NSD1: variants seen among roughly 807,000 people sequenced by gnomAD.
NSD1 encodes the protein histone-lysine N-methyltransferase, H3 lysine-36 specific.
NSD1 carries 26 observed loss-of-function variants against 242.7 expected under a neutral mutation model. The observed-to-expected ratio is 0.11, with a 90% confidence interval of 0.08 to 0.15. The LOEUF (loss-of-function observed/expected upper bound fraction) is 0.15. Among genes scored for constraint, NSD1 ranks in the 10% least tolerant of loss-of-function variants. The pLI is 1.00. For missense variants in NSD1, 2,495 were observed against 3,272.8 expected (o/e 0.76, Z 5.80); for synonymous variants, 1,106 against 1,178.1 (o/e 0.94, Z 1.25).
chr5:177,266,257 C>T, intron 14 of NSD1: 1 of 771,794 alleles, frequency 1.3e-6, no homozygotes, highest in Non-Finnish European at 2.4e-6. Context: ...TCTCCTCCAC[C>T]TTCCCCTTGG....
chr5:177,220,276 T>A (rs1046074386), intron 5 of NSD1, among the ~76,000 whole-genome samples: 1 of 152,192 alleles, frequency 6.6e-6, no homozygotes, highest in Admixed American at 6.6e-5. Context: ...GACTGTTTTA[T>A]TATCATATCA....
chr5:177,147,329 ACTCGTGAG>A (rs2149771900), intron 2 of NSD1, among the ~76,000 whole-genome samples: 1 of 152,166 alleles, frequency 6.6e-6, no homozygotes, highest in African/African-American at 2.4e-5. Context: ...CTCGTCTTGA[ACTCGTGAG>A]CTCAAGCAAT....
rs1319472971 is a variant in NSD1 at position 177,294,390 on chromosome 5, C to G, written c.7022C>G (p.Ser2341Cys). The part of the protein sequence containing the change: ...DKPSPVTSPS[S>C]SPSVRSQPLE... Reference sequence around the variant, plus strand: ...CCCTCTCCAGTGACCAGCCCAAGCTCCTCACCCTCAGTCAGGTCCCAACCA... The same window carrying G: ...CCCTCTCCAGTGACCAGCCCAAGCTGCTCACCCTCAGTCAGGTCCCAACCA... Residue 2341 changes from serine (S) to cysteine (C), a missense_variant, in exon 23 of 23, where the codon TCC (serine) becomes TGC (cysteine). Ser to Cys is a moderately radical substitution (Grantham distance 112, BLOSUM62 -1). Transcript: ENST00000439151. 2.5e-6 allele frequency: 4 copies of G among 1,614,220 alleles called. No individual in the cohort carries two copies. The highest frequency in any genetic ancestry group is 3.4e-6 in the Non-Finnish European group (4 of 1,180,038).
chr5:177,134,324 C>A lies in NSD1; in HGVS notation c.-18+372C>A. On this transcript the variant is annotated intron_variant, in intron 1 of 22. Coordinates refer to ENST00000439151, the MANE Select transcript of NSD1 (RefSeq NM_022455.5). This position sits in a 1 kb window ranked among gnomAD's most constrained non-coding sequence, Gnocchi z 4.2. ...GCTGCTGAATATTGATGAGAGCGAT[C>A]GGCTCGGCTGGGAGGTGCTGCCGCG... The A allele has an allele frequency of 6.6e-6, 1 of 152,334 alleles. No homozygotes were observed. Among genetic ancestry groups the A allele is most frequent in the South Asian group, 1.9e-4 (1 of 5,170 alleles). 9.4% of individuals were successfully genotyped at this position (152,334 alleles called of 1,614,324 possible).
Position 177,266,640 on chromosome 5 carries a change from A to G in NSD1, c.5147-922A>G, listed in dbSNP as rs545984921. ...GCCGCCAAGACCCCCGCCTTTTTCT[A>G]TAGTAGGATTTTAAGAGGTGAAAGA... On this transcript the variant is annotated intron_variant, in intron 14 of 22. Transcript: ENST00000439151. 2.9e-4 allele frequency: 139 copies of G among 471,906 alleles called. 1 individual carries two copies. The East Asian group carries it at 5.2e-3, about 18-fold the overall frequency. The allele number at this position is 471,906 out of a possible 1,614,324, so 29.2% of individuals were successfully genotyped here. A position where few individuals can be genotyped will look rare whatever the true frequency, so the allele number is the denominator to read the frequency against.
rs1462539420 is a variant in NSD1 at position 177,296,169 on chromosome 5, G to C, written c.*710G>C. 4.2e-6 allele frequency: 1 copy of C among 239,022 alleles called. No individual in the cohort carries two copies. The highest frequency in any genetic ancestry group is 8.2e-6 in the Non-Finnish European group (1 of 121,520). 14.8% of individuals were successfully genotyped at this position (239,022 alleles called of 1,614,324 possible). A position where few individuals can be genotyped will look rare whatever the true frequency, so the allele number is the denominator to read the frequency against. Reference sequence around the variant, plus strand: ...CAGAGGTCTCCTCTATAGATGCAAGGGTGCTGCATTGAGGCCAGCAAGGCT... The same window carrying C: ...CAGAGGTCTCCTCTATAGATGCAAGCGTGCTGCATTGAGGCCAGCAAGGCT... On this transcript the variant is annotated 3_prime_UTR_variant, in exon 23 of 23. Coordinates refer to ENST00000439151, the MANE Select transcript of NSD1 (RefSeq NM_022455.5).
Position 177,294,838 on chromosome 5 carries a change from A to G in NSD1, c.7470A>G (p.Ser2490=), listed in dbSNP as rs1013694464. 2 of 1,612,658 alleles carry G rather than the reference A, an allele frequency of 1.2e-6. No individual in the cohort carries two copies. The highest frequency in any genetic ancestry group is 1.3e-5 in the African/African-American group (1 of 75,060). Residue 2490 remains serine (S), a synonymous_variant, in exon 23 of 23, where the codon TCA becomes TCG. Coordinates refer to ENST00000439151, the MANE Select transcript of NSD1 (RefSeq NM_022455.5). ...AGATGCCAGTGTTGGAGTCAAGTTC[A>G]TGGCCTGCCAGCAAAGGTCTGGGGC... ...DEKMPVLESS[S]WPASKGLGHM...
intron 14 of NSD1, among the ~76,000 whole-genome samples, chr5:177,260,451 G>A (rs931312768): frequency 2.1e-5 from 3 of 145,468 alleles, no homozygotes; most frequent in Non-Finnish European, 3.0e-5. Context: ...GGTTCAAGCA[G>A]TTCTCCTGCC....
chr5:177,225,186 C>T (rs1764540111), intron 5 of NSD1, among the ~76,000 whole-genome samples: 1 of 152,142 alleles, frequency 6.6e-6, no homozygotes, highest in South Asian at 2.1e-4. Flanking sequence ...TCGCCCTCAT[C>T]GCCCAGGCTT....
intron 13 of NSD1, among the ~76,000 whole-genome samples, chr5:177,257,743 A>G (rs932061713): frequency 4.6e-5 from 7 of 152,072 alleles, no homozygotes; most frequent in African/African-American, 7.2e-5. Flanking sequence ...ATGTAGTTTG[A>G]GAAAGTGTTC....
intron 2 of NSD1, among the ~76,000 whole-genome samples, chr5:177,138,348 T>C (rs1207334200): frequency 6.6e-6 from 1 of 151,998 alleles, no homozygotes; most frequent in African/African-American, 2.4e-5. Flanking sequence ...CACCTCCTCC[T>C]GGGTTCAAGC....
intron 2 of NSD1, among the ~76,000 whole-genome samples, chr5:177,165,432 A>G (rs1302948118): frequency 6.6e-6 from 1 of 152,112 alleles, no homozygotes; most frequent in Non-Finnish European, 1.5e-5. Context: ...GCCTCCCAAA[A>G]TGAGCCACCG....
chr5:177,266,007 C>A lies in NSD1; in HGVS notation c.5147-1555C>A, dbSNP rs188333471. On this transcript the variant is annotated intron_variant, in intron 14 of 22. Transcript: ENST00000439151. ...ACTAGGGTTTCCTTGATGGCCACAT[C>A]TTTGATGCAAGATATATCGAAGCCA... The A allele has an allele frequency of 2.7e-4, 276 of 1,034,496 alleles. 2 individuals carry two copies. The highest frequency in any genetic ancestry group is 3.9e-4 in the Non-Finnish European group (255 of 655,528). The allele number at this position is 1,034,496 out of a possible 1,614,324, so 64.1% of individuals were successfully genotyped here.
At chr5:177,228,225 T>C (rs1416303832) in intron 5 of NSD1, among the ~76,000 whole-genome samples, 3 of 151,812 alleles carry the variant, frequency 2.0e-5, no homozygotes, top group Admixed American at 6.6e-5. Context: ...AGTTTTATTA[T>C]AGTATATTGA....
chr5:177,231,720 C>T (rs557692149), intron 5 of NSD1, among the ~76,000 whole-genome samples: 4 of 151,886 alleles, frequency 2.6e-5, no homozygotes, highest in South Asian at 2.1e-4. Flanking sequence ...GCGCCCAAAC[C>T]GTGACAAGAT....
rs11952397 is a variant in NSD1, at chr5:177,213,681, A to G, written c.3796+1486A>G. On this transcript the variant is annotated intron_variant, in intron 5 of 22. Transcript: ENST00000439151. ...GAGACGGGGTTTCACTGTGTTAGCCAGGATGGTCTCTGATCTCCTGACCTT... is the reference window on the plus strand; with the variant it reads ...GAGACGGGGTTTCACTGTGTTAGCCGGGATGGTCTCTGATCTCCTGACCTT... Among the ~76,000 whole-genome samples, 647 of 152,228 alleles carry G rather than the reference A, an allele frequency of 4.3e-3. 3 individuals are homozygous for G. Among genetic ancestry groups the G allele is most frequent in the African/African-American group, 0.014 (591 of 41,554 alleles).
intron 17 of NSD1, among the ~76,000 whole-genome samples, chr5:177,276,988 T>C (rs1301482426): frequency 6.6e-6 from 1 of 152,216 alleles, no homozygotes; most frequent in Non-Finnish European, 1.5e-5. Context: ...TGGAAAATAA[T>C]TCTATTCACA....
chr5:177,219,305 C>T (rs1410539068), intron 5 of NSD1, among the ~76,000 whole-genome samples: 1 of 151,916 alleles, frequency 6.6e-6, no homozygotes, highest in Non-Finnish European at 1.5e-5. Flanking sequence ...CCTGCCTCAG[C>T]CTCCCAAGTA....
chr5:177,132,986 C>G (rs916319971), upstream of NSD1: 1 of 152,814 alleles, frequency 6.5e-6, no homozygotes, highest in Admixed American at 6.5e-5. The surrounding 1 kb of genome is among the most constrained non-coding windows in gnomAD (Gnocchi z 7.5). Context: ...AGGCTTGGCT[C>G]AGGGAGGCAG....
Sources: allele counts gnomAD v4.1 joint callset (sites outside exome capture counted in the v4.1 genomes callset), GRCh38; gene constraint gnomAD v4.1.1; non-coding constraint Gnocchi (gnomAD v3.1); transcripts MANE v1.5; gene names NCBI Gene and HGNC (gene_info 2026-07-23, HGNC 2026-07-21).